ZNF648: variants seen among roughly 807,000 people sequenced by gnomAD.
ZNF648 encodes zinc finger protein 648.
ZNF648 carries 1 observed loss-of-function variant against 0.3 expected under a neutral mutation model. That is an observed-to-expected ratio of 3.90 (90% CI 1.39 to 18.51). The LOEUF (loss-of-function observed/expected upper bound fraction) is 18.51. Among genes scored for constraint, ZNF648 ranks in the 30% most tolerant of loss-of-function variants. ZNF648 has a pLI of 0.11. For missense variants in ZNF648, 874 were observed against 769.7 expected (o/e 1.14, Z -1.60); for synonymous variants, 376 against 326.8 (o/e 1.15, Z -1.62).
chr1:182,066,354 C>T (rs1380901022), upstream of ZNF648, among the ~76,000 whole-genome samples: 1 of 152,206 alleles, frequency 6.6e-6, no homozygotes, highest in Non-Finnish European at 1.5e-5. Flanking sequence ...TGTTCTTCCC[C>T]ATGCTCTGCT....
rs374439712 is a variant in ZNF648, at chr1:182,061,702, C to T, written c.-198G>A. Reference sequence around the variant, plus strand: ...CTCTCACGCTTTGTGTCCAGTCCAGCGGCTGCAGAGAGAGCCTCTGGAGGT... The same window carrying T: ...CTCTCACGCTTTGTGTCCAGTCCAGTGGCTGCAGAGAGAGCCTCTGGAGGT... On this transcript the variant is annotated 5_prime_UTR_variant, in exon 1 of 2. Coordinates refer to ENST00000339948, the MANE Select transcript of ZNF648 (RefSeq NM_001009992.1). The T allele has an allele frequency of 1.4e-4, 22 of 152,520 alleles. No individual in the cohort carries two copies. Among genetic ancestry groups the T allele is most frequent in the South Asian group, 4.1e-4 (2 of 4,826 alleles). 9.4% of individuals were successfully genotyped at this position (152,520 alleles called of 1,614,324 possible).
At position 182,055,977 on chromosome 1, in the gene ZNF648, G is replaced by A; in HGVS notation, c.*327C>T. 3.2e-6 allele frequency: 1 copy of A among 316,462 alleles called. No individual in the cohort carries two copies. The highest frequency in any genetic ancestry group is 6.6e-5 in the East Asian group (1 of 15,224). The allele number at this position is 316,462 out of a possible 1,614,324, so 19.6% of individuals were successfully genotyped here. A position where few individuals can be genotyped will look rare whatever the true frequency, so the allele number is the denominator to read the frequency against. ...CACCTTATCCCTGGAGCCCGGCCCAGTGCCCAGCATGTAATTCTAGAAGCA... is the reference window on the plus strand; with the variant it reads ...CACCTTATCCCTGGAGCCCGGCCCAATGCCCAGCATGTAATTCTAGAAGCA... On this transcript the variant is annotated 3_prime_UTR_variant, in exon 2 of 2. Coordinates refer to ENST00000339948, the MANE Select transcript of ZNF648 (RefSeq NM_001009992.1). This position sits in a 1 kb window ranked among gnomAD's most constrained non-coding sequence, Gnocchi z 4.1.
At position 182,057,739 on chromosome 1, in the gene ZNF648, C is replaced by A. The variant is rs781727475; in HGVS notation, c.272G>T (p.Gly91Val). 6.2e-7 allele frequency: 1 copy of A among 1,614,202 alleles called. No homozygotes were observed. Among genetic ancestry groups the A allele is most frequent in the East Asian group, 2.2e-5 (1 of 44,882 alleles). The stretch of plus-strand genomic sequence containing the variant: ...CCCAGACATTTCCACTGGTTTCTGC[C>A]CCATGCCCCCAGCACTGGAGGAGTC... ...FSDSSSAGGM[G>V]QKPVEMSGKA... Residue 91 changes from glycine (G) to valine (V), a missense_variant, in exon 2 of 2, where the codon GGG becomes GTG. Gly to Val is a moderately radical substitution (Grantham distance 109). Transcript: ENST00000339948.
intron 1 of ZNF648, among the ~76,000 whole-genome samples, chr1:182,058,900 C>G (rs893343332): frequency 6.6e-6 from 1 of 152,226 alleles, no homozygotes; most frequent in Non-Finnish European, 1.5e-5. Context: ...TCTTGGCTCA[C>G]TGCAACCTCT....
At chr1:182,062,543 T>C (rs1666045328), upstream of ZNF648, 1 of 152,152 alleles carries the variant, frequency 6.6e-6, no homozygotes. Context: ...CTGTGTGCCT[T>C]AGTGTCTCAT....
chr1:182,065,352 G>A (rs1666085083), upstream of ZNF648, among the ~76,000 whole-genome samples: 1 of 152,148 alleles, frequency 6.6e-6, no homozygotes, highest in Non-Finnish European at 1.5e-5. Flanking sequence ...CATTCCCCCA[G>A]AAGGCATTCT....
rs1001699430 is a variant in ZNF648 at position 182,054,759 on chromosome 1, T to C, written c.*1545A>G. On this transcript the variant is annotated 3_prime_UTR_variant, in exon 2 of 2. Coordinates refer to ENST00000339948, the MANE Select transcript of ZNF648 (RefSeq NM_001009992.1). ...ATCACTTCTATTTTGCCAATGCAGATGCAGAAACTGAAGCCCAAGGTCACA... is the reference window on the plus strand; with the variant it reads ...ATCACTTCTATTTTGCCAATGCAGACGCAGAAACTGAAGCCCAAGGTCACA... 2 of 152,232 alleles carry C rather than the reference T, an allele frequency of 1.3e-5. No homozygotes were observed. Among genetic ancestry groups the C allele is most frequent in the Non-Finnish European group, 2.9e-5 (2 of 68,026 alleles). The allele number at this position is 152,232 out of a possible 1,614,324, so 9.4% of individuals were successfully genotyped here.
rs763217354 is a variant in ZNF648 at position 182,057,804 on chromosome 1, T to C, written c.207A>G (p.Pro69=). The part of the protein sequence containing the change: ...SPVTHENPDL[P]WPHPLGKEEE... ...CCTCTTTGCCCAGTGGATGGGGCCA[T>C]GGCAAGTCAGGATTTTCGTGTGTTA... is the stretch of plus-strand genomic sequence containing the variant. The change falls in exon 2 of 2, where the codon CCA becomes CCG. Residue 69 remains proline, a synonymous_variant. Coordinates refer to ENST00000339948, the MANE Select transcript of ZNF648 (RefSeq NM_001009992.1). 3 of 1,614,248 alleles carry C rather than the reference T, an allele frequency of 1.9e-6. No individual in the cohort carries two copies. Among genetic ancestry groups the C allele is most frequent in the East Asian group, 4.5e-5 (2 of 44,878 alleles).
Position 182,057,449 on chromosome 1 carries a change from A to T in ZNF648, c.562T>A (p.Ser188Thr). ...CCCGGCCTGGGGAAACACAACAGAG[A>T]AGAGTTCCCTGCGGACGTGTCTACA... Reference protein sequence around the residue: ...KSVDTSAGNSSLLCFPRPGSN... With the variant: ...KSVDTSAGNSTLLCFPRPGSN... Residue 188 changes from serine (S) to threonine (T), a missense_variant, in exon 2 of 2, where the codon TCT becomes ACT. Transcript: ENST00000339948. 2.5e-6 allele frequency: 4 copies of T among 1,614,156 alleles called. No homozygotes were observed. The highest frequency in any genetic ancestry group is 3.4e-6 in the Non-Finnish European group (4 of 1,180,018).
chr1:182,056,810 ACT>A lies in ZNF648; in HGVS notation c.1199_1200del (p.Glu400ValfsTer52). ...KPFRCPACDR[E>X]FAVASRMVEH... is the part of the protein sequence containing the mutation. ...TCCACCATGCGGCTGGCCACAGCGA[ACT>A]CCCGGTCGCAGGCGGGGCAGCGGAA... On this transcript the variant is annotated frameshift_variant, in exon 2 of 2. Transcript: ENST00000339948. LOFTEE classifies it low-confidence loss of function (END_TRUNC). 1 of 1,554,180 alleles carries A rather than the reference ACT, an allele frequency of 6.4e-7. No individual in the cohort carries two copies. Among genetic ancestry groups the A allele is most frequent in the Non-Finnish European group, 8.7e-7 (1 of 1,148,894 alleles).
At chr1:182,060,412 G>A (rs1307839417) in intron 1 of ZNF648, among the ~76,000 whole-genome samples, 1 of 152,182 alleles carries the variant, frequency 6.6e-6, no homozygotes. Flanking sequence ...GTTTCTGCCT[G>A]ATCATGAGCC....
At chr1:182,068,386 G>C in the ZNF648 span, 1 of 152,108 alleles carries the variant, frequency 6.6e-6, no homozygotes, top group Non-Finnish European at 1.5e-5. Context: ...AATATGACAG[G>C]GAATCACTTT....
upstream of ZNF648, among the ~76,000 whole-genome samples, chr1:182,065,191 C>G (rs183416592): frequency 1.8e-4 from 27 of 152,312 alleles, 1 homozygote; most frequent in East Asian, 5.0e-3. Context: ...AGAGTCTGCA[C>G]TCTTAACCAC....
In ZNF648 at chr1:182,057,027, G is replaced by A; in HGVS notation, c.984C>T (p.Thr328=). Reference sequence around the variant, plus strand: ...ACGGGTAGGGTTTCTCGCCTGTGTGGGTGCGGATGTGCTTCCGGTGGTCGG... The same window carrying A: ...ACGGGTAGGGTTTCTCGCCTGTGTGAGTGCGGATGTGCTTCCGGTGGTCGG... ...WSSDHRKHIR[T]HTGEKPYPCP... The change falls in exon 2 of 2, where the codon ACC becomes ACT. Residue 328 remains threonine (T), a synonymous_variant. Coordinates refer to ENST00000339948, the MANE Select transcript of ZNF648 (RefSeq NM_001009992.1). 1 of 1,613,024 alleles carries A rather than the reference G, an allele frequency of 6.2e-7. No homozygotes were observed. Among genetic ancestry groups the A allele is most frequent in the Non-Finnish European group, 8.5e-7 (1 of 1,179,774 alleles).
chr1:182,068,402 G>A, the ZNF648 span: 2 of 152,320 alleles, frequency 1.3e-5, no homozygotes, highest in African/African-American at 4.8e-5. Flanking sequence ...ACTTTAGTGA[G>A]CCACAACCAA....
chr1:182,057,766 G>C lies in ZNF648; in HGVS notation c.245C>G (p.Ser82Cys), dbSNP rs746983219. The change falls in exon 2 of 2, where the codon TCT becomes TGT. Residue 82 changes from serine (S) to cysteine (C), a missense_variant. Ser to Cys is a moderately radical substitution (Grantham distance 112, BLOSUM62 -1). Transcript: ENST00000339948. The stretch of plus-strand genomic sequence containing the variant: ...CATGCCCCCAGCACTGGAGGAGTCA[G>C]AGAATTTCTCTTCCTCTTTGCCCAG... ...HPLGKEEEKF[S>C]DSSSAGGMGQ... The C allele has an allele frequency of 6.2e-7, 1 of 1,614,220 alleles. No homozygotes were observed. Among genetic ancestry groups the C allele is most frequent in the Non-Finnish European group, 8.5e-7 (1 of 1,180,032 alleles).
At chr1:182,062,152 C>G (rs571021678), upstream of ZNF648, among the ~76,000 whole-genome samples, 1 of 152,194 alleles carries the variant, frequency 6.6e-6, no homozygotes, top group Non-Finnish European at 1.5e-5. Context: ...TTTGTAGCAG[C>G]CCATTCATTG....
rs115402112 is a variant in ZNF648 at position 182,056,917 on chromosome 1, G to A, written c.1094C>T (p.Pro365Leu). 2 of 1,604,236 alleles carry A rather than the reference G, an allele frequency of 1.2e-6. No homozygotes were observed. The highest frequency in any genetic ancestry group is 2.2e-5 in the East Asian group (1 of 44,496). Residue 365 changes from proline to leucine, a missense_variant, in exon 2 of 2, where the codon CCG becomes CTG. By Grantham distance (98) the Pro-to-Leu change is moderately conservative. Coordinates refer to ENST00000339948, the MANE Select transcript of ZNF648 (RefSeq NM_001009992.1). ...RNMHSNNKPFPCSECGLTFNK... is the reference protein window; with the variant it reads ...RNMHSNNKPFLCSECGLTFNK... ...GAAGGTCAGGCCGCACTCGGAGCAC[G>A]GGAAGGGCTTATTGTTGCTGTGCAT...
In ZNF648 at chr1:182,057,382, G is replaced by A; in HGVS notation, c.629C>T (p.Ala210Val). 6.2e-7 allele frequency: 1 copy of A among 1,613,250 alleles called. No individual in the cohort carries two copies. Among genetic ancestry groups the A allele is most frequent in the Non-Finnish European group, 8.5e-7 (1 of 1,179,962 alleles). The change falls in exon 2 of 2, where the codon GCC becomes GTC. Residue 210 changes from alanine (A) to valine (V), a missense_variant. By Grantham distance (64) the Ala-to-Val change is moderately conservative. Coordinates refer to ENST00000339948, the MANE Select transcript of ZNF648 (RefSeq NM_001009992.1). ...GCTGGCTGGGGTGGCCGACGCCTGG[G>A]CTGGTGTATGTGTCTCTTGCGTGGG... is the stretch of plus-strand genomic sequence containing the variant. ...DLPTQETHTP[A>V]QASATPASLA...
Sources: gnomAD v4.1 joint callset for allele counts (sites outside exome capture counted in the v4.1 genomes callset) on GRCh38, gnomAD v4.1.1 for gene constraint, Gnocchi (gnomAD v3.1) non-coding constraint, MANE v1.5 for transcripts, NCBI Gene and HGNC (gene_info 2026-07-23, HGNC 2026-07-21) for gene names.